The following FRMD6 variants were observed in gnomAD, a reference collection of about 807,000 sequenced individuals.
The protein encoded by FRMD6 is FERM domain-containing protein 6.
A neutral mutation model predicts 73.2 loss-of-function variants in FRMD6; 37 were observed. That is an observed-to-expected ratio of 0.51 (90% CI 0.39 to 0.66). FRMD6 has a LOEUF of 0.66. FRMD6 is among the 30% of genes least tolerant of loss of function. The probability of loss-of-function intolerance (pLI) is 0.00; values close to 1 mark genes in which losing one functional copy is unlikely to be tolerated. For missense variants in FRMD6, 714 were observed against 780.5 expected (o/e 0.91, Z 1.02); for synonymous variants, 273 against 282.2 (o/e 0.97, Z 0.33).
the FRMD6 span, among the ~76,000 whole-genome samples, chr14:51,467,346 G>A: frequency 6.6e-6 from 1 of 152,236 alleles, no homozygotes; most frequent in Non-Finnish European, 1.5e-5. Flanking sequence ...GAACAAAATG[G>A]AGTCTCCTAT....
At chr14:51,486,601 C>T (rs1051033986), upstream of FRMD6, among the ~76,000 whole-genome samples, 2 of 152,212 alleles carry the variant, frequency 1.3e-5, no homozygotes, top group African/African-American at 4.8e-5. Context: ...AATCAAATTT[C>T]ATACTTGTAT....
At chr14:51,587,804 G>A (rs1835438286) in intron 2 of FRMD6, among the ~76,000 whole-genome samples, 1 of 152,152 alleles carries the variant, frequency 6.6e-6, no homozygotes, top group Non-Finnish European at 1.5e-5. Context: ...ATATGAAGAA[G>A]AAACAAGTGG....
intron 2 of FRMD6, among the ~76,000 whole-genome samples, chr14:51,622,756 G>A (rs993830622): frequency 5.3e-5 from 8 of 152,078 alleles, no homozygotes; most frequent in Admixed American, 6.6e-5. Flanking sequence ...CTGCACTGAC[G>A]CATTGTGTGG....
At chr14:51,558,219 AG>A (rs1271938494) in intron 1 of FRMD6, among the ~76,000 whole-genome samples, 8 of 152,326 alleles carry the variant, frequency 5.3e-5, no homozygotes, top group Admixed American at 5.2e-4. Context: ...CTGTAATCCT[AG>A]CACTTTGGAA....
At chr14:51,623,105 C>T (rs771177969) in intron 2 of FRMD6, among the ~76,000 whole-genome samples, 14 of 152,064 alleles carry the variant, frequency 9.2e-5, no homozygotes, top group Non-Finnish European at 1.3e-4. Flanking sequence ...ATAATACTTG[C>T]TCCTCCAAAA....
At chr14:51,611,156 G>T (rs1436280074) in intron 2 of FRMD6, among the ~76,000 whole-genome samples, 1 of 152,164 alleles carries the variant, frequency 6.6e-6, no homozygotes, top group Non-Finnish European at 1.5e-5. Flanking sequence ...TCTTTGGAGA[G>T]GGGAAAAATG....
chr14:51,497,936 A>G (rs1566777733), intron 1 of FRMD6, among the ~76,000 whole-genome samples: 1 of 152,206 alleles, frequency 6.6e-6, no homozygotes, highest in Non-Finnish European at 1.5e-5. Flanking sequence ...AGGCCTTAAT[A>G]CAGGATTTCA....
At chr14:51,545,910 CTTA>C (rs1886441335) in intron 1 of FRMD6, among the ~76,000 whole-genome samples, 1 of 151,880 alleles carries the variant, frequency 6.6e-6, no homozygotes, top group East Asian at 1.9e-4. Context: ...CATGGTAGTG[CTTA>C]TTATTATAGC....
chr14:51,422,986 A>G, the FRMD6 span, among the ~76,000 whole-genome samples: 3 of 152,212 alleles, frequency 2.0e-5, no homozygotes, highest in African/African-American at 7.2e-5. Context: ...CCAGTATGCT[A>G]TTCGCATCTT....
intron 1 of FRMD6, among the ~76,000 whole-genome samples, chr14:51,493,916 C>G (rs1170605731): frequency 6.6e-6 from 1 of 152,088 alleles, no homozygotes; most frequent in Non-Finnish European, 1.5e-5. Flanking sequence ...CTGGAAAGTC[C>G]AAGAACAAGG....
At chr14:51,575,138 C>T (rs1353705767) in intron 2 of FRMD6, among the ~76,000 whole-genome samples, 1 of 152,096 alleles carries the variant, frequency 6.6e-6, no homozygotes, top group African/African-American at 2.4e-5. Context: ...AAAATGGCTA[C>T]TAGGAACATT....
chr14:51,478,115 A>G, the FRMD6 span, among the ~76,000 whole-genome samples: 2 of 152,200 alleles, frequency 1.3e-5, no homozygotes, highest in African/African-American at 4.8e-5. Flanking sequence ...GTTTTCTGTA[A>G]CTGAGTGATT....
At chr14:51,641,532 G>A (rs1018922571) in intron 2 of FRMD6, among the ~76,000 whole-genome samples, 7 of 152,132 alleles carry the variant, frequency 4.6e-5, no homozygotes, top group African/African-American at 1.7e-4. Context: ...GGGGCTGTGG[G>A]AAGATCCAAA....
chr14:51,661,964 G>A (rs1275372283), intron 1 of FRMD6, among the ~76,000 whole-genome samples: 2 of 152,166 alleles, frequency 1.3e-5, no homozygotes, highest in Admixed American at 1.3e-4. Flanking sequence ...CTTTGTCAGG[G>A]TTAGGGAGCC....
chr14:51,547,774 T>C (rs892991512), intron 1 of FRMD6: 1 of 151,576 alleles, frequency 6.6e-6, no homozygotes, highest in Non-Finnish European at 1.5e-5. Context: ...ACACCAAATA[T>C]AAGAAGAGCA....
At chr14:51,597,706 G>A (rs1388936465) in intron 2 of FRMD6, among the ~76,000 whole-genome samples, 2 of 152,128 alleles carry the variant, frequency 1.3e-5, no homozygotes, top group Non-Finnish European at 2.9e-5. Context: ...AACATTCCTT[G>A]GTGCATAGTA....
chr14:51,524,893 C>G (rs898249514), intron 1 of FRMD6, among the ~76,000 whole-genome samples: 2 of 151,896 alleles, frequency 1.3e-5, no homozygotes, highest in Non-Finnish European at 2.9e-5. Flanking sequence ...GCCTTTAGGC[C>G]AAATTTACAA....
At chr14:51,523,658 G>T (rs1445659570) in intron 1 of FRMD6, among the ~76,000 whole-genome samples, 1 of 152,064 alleles carries the variant, frequency 6.6e-6, no homozygotes, top group Non-Finnish European at 1.5e-5. Context: ...ACAAATTCAG[G>T]GTCCTTCCCA....
the FRMD6 span, among the ~76,000 whole-genome samples, chr14:51,423,827 G>T: frequency 1.3e-5 from 2 of 152,172 alleles, no homozygotes; most frequent in African/African-American, 2.4e-5. Context: ...TAGTAATAAG[G>T]TTCCTTACAT....
Sources: gnomAD v4.1 joint callset for allele counts (sites outside exome capture counted in the v4.1 genomes callset) on GRCh38, gnomAD v4.1.1 for gene constraint, MANE v1.5 for transcripts, NCBI Gene and HGNC (gene_info 2026-07-23, HGNC 2026-07-21) for gene names.